The following OPCML variants were observed in gnomAD, a reference collection of about 807,000 sequenced individuals.
OPCML encodes opioid binding protein/cell adhesion molecule like.
A neutral mutation model predicts 37.8 loss-of-function variants in OPCML; 13 were observed. That is an observed-to-expected ratio of 0.34 (90% CI 0.22 to 0.55). The LOEUF (loss-of-function observed/expected upper bound fraction) is 0.55. Among genes scored for constraint, OPCML ranks in the 20% least tolerant of loss-of-function variants. The pLI, the probability that OPCML is intolerant of heterozygous loss-of-function variation, is 0.91. For missense variants in OPCML, 341 were observed against 435.6 expected (o/e 0.78, Z 1.93); for synonymous variants, 176 against 168.8 (o/e 1.04, Z -0.33).
At chr11:132,710,814 C>T (rs551501904) in intron 2 of OPCML, among the ~76,000 whole-genome samples, 25 of 151,796 alleles carry the variant, frequency 1.6e-4, no homozygotes, top group Admixed American at 5.3e-4. Flanking sequence ...GAGATTGCAC[C>T]ATTGCACTCC....
At chr11:132,549,055 G>A (rs2096375497) in intron 3 of OPCML, among the ~76,000 whole-genome samples, 1 of 152,108 alleles carries the variant, frequency 6.6e-6, no homozygotes, top group Admixed American at 6.5e-5. Context: ...GCATTCCCAG[G>A]AGGTTAGGCA....
At chr11:133,459,339 C>T (rs558610514) in intron 1 of OPCML, among the ~76,000 whole-genome samples, 2 of 152,034 alleles carry the variant, frequency 1.3e-5, no homozygotes, top group African/African-American at 4.8e-5. Context: ...CTAAGACATA[C>T]AGCAAAAAAC....
Position 132,532,586 on chromosome 11 carries a change from T to C in OPCML, c.380-3400A>G, listed in dbSNP as rs577808693. 5.3e-5 allele frequency among the ~76,000 whole-genome samples: 8 copies of C among 152,268 alleles called. 1 individual carries two copies. The highest frequency in any genetic ancestry group is 4.6e-4 in the Admixed American group (7 of 15,278). ...GTTAGTAAATGAGAGCTCATCTCAC[T>C]GCATTATGATTCCTCTTTGTTTATT... is the stretch of plus-strand genomic sequence containing the variant. On this transcript the variant is annotated intron_variant, in intron 3 of 7. Coordinates refer to ENST00000524381, the MANE Select transcript of OPCML (RefSeq NM_001012393.5).
At chr11:133,171,362 A>G (rs1950286402) in intron 1 of OPCML, among the ~76,000 whole-genome samples, 1 of 152,078 alleles carries the variant, frequency 6.6e-6, no homozygotes, top group South Asian at 2.1e-4. Flanking sequence ...ATTTGCCTCA[A>G]TCCGCTCCAC....
chr11:133,173,833 C>G lies in OPCML; in HGVS notation c.62-230823G>C, dbSNP rs60852973. Among the ~76,000 whole-genome samples, 3 of 152,106 alleles carry G rather than the reference C, an allele frequency of 2.0e-5. No homozygotes were observed. Among genetic ancestry groups the G allele is most frequent in the African/African-American group, 7.2e-5 (3 of 41,392 alleles). On this transcript the variant is annotated intron_variant, in intron 1 of 7. Transcript: ENST00000524381. This position sits in a 1 kb window ranked among gnomAD's most constrained non-coding sequence, Gnocchi z 7.8. ...TACGACAGAGCCTAAAGATGCAGGC[C>G]TTGAGTTTATGAGGCAAATAATGAA... is the stretch of plus-strand genomic sequence containing the variant.
At chr11:133,157,794 CTAATT>C (rs1482817811) in intron 1 of OPCML, among the ~76,000 whole-genome samples, 2 of 152,210 alleles carry the variant, frequency 1.3e-5, no homozygotes, top group African/African-American at 2.4e-5. Context: ...ACCTAGCCTG[CTAATT>C]TAATTTTACT....
intron 4 of OPCML, among the ~76,000 whole-genome samples, chr11:132,474,371 T>C (rs753355035): frequency 6.6e-6 from 1 of 152,084 alleles, no homozygotes; most frequent in African/African-American, 2.4e-5. Context: ...ATTGGACCTC[T>C]TCACATAGGA....
intron 2 of OPCML, among the ~76,000 whole-genome samples, chr11:132,765,996 C>T (rs987183725): frequency 1.3e-5 from 2 of 151,856 alleles, no homozygotes; most frequent in Admixed American, 6.6e-5. Flanking sequence ...CTTGATGGGA[C>T]ACTATCTGGC....
chr11:132,879,720 T>C (rs1943154619), intron 2 of OPCML, among the ~76,000 whole-genome samples: 3 of 152,256 alleles, frequency 2.0e-5, no homozygotes, highest in Admixed American at 6.5e-5. Context: ...AAGCGCATAA[T>C]GAATTATCTA....
intron 2 of OPCML, among the ~76,000 whole-genome samples, chr11:132,694,669 G>A (rs79053095): frequency 0.017 from 2,620 of 152,246 alleles, 66 homozygotes; most frequent in African/African-American, 0.059. Flanking sequence ...GCTGTTGAAG[G>A]TGGTGACTGC....
At chr11:133,271,877 G>T (rs1427461091) in intron 1 of OPCML, among the ~76,000 whole-genome samples, 3 of 152,192 alleles carry the variant, frequency 2.0e-5, no homozygotes, top group African/African-American at 7.2e-5. Context: ...TCGGCAGGAT[G>T]CTCAATCCAA....
chr11:132,547,017 C>T (rs2096370225), intron 3 of OPCML, among the ~76,000 whole-genome samples: 1 of 152,178 alleles, frequency 6.6e-6, no homozygotes, highest in Non-Finnish European at 1.5e-5. Flanking sequence ...CATCTGTGGA[C>T]TGGCACTTCT....
At chr11:132,700,250 C>A (rs1168392916) in intron 2 of OPCML, among the ~76,000 whole-genome samples, 1 of 151,898 alleles carries the variant, frequency 6.6e-6, no homozygotes, top group Non-Finnish European at 1.5e-5. Flanking sequence ...TAAAAAACAA[C>A]TCTGTTTTAA....
At chr11:132,945,752 A>G (rs1011788338) in intron 1 of OPCML, among the ~76,000 whole-genome samples, 1 of 149,900 alleles carries the variant, frequency 6.7e-6, no homozygotes, top group African/African-American at 2.5e-5. Flanking sequence ...ATATATTCTT[A>G]TATCCTTATT....
chr11:133,487,724 T>C (rs986074397), intron 1 of OPCML, among the ~76,000 whole-genome samples: 4 of 152,036 alleles, frequency 2.6e-5, no homozygotes, highest in African/African-American at 9.7e-5. Flanking sequence ...ATTTATTGAT[T>C]GAATGTGTGA....
chr11:132,753,398 G>A (rs1945907214), intron 2 of OPCML, among the ~76,000 whole-genome samples: 1 of 152,184 alleles, frequency 6.6e-6, no homozygotes, highest in Non-Finnish European at 1.5e-5. Context: ...GGAGAGTGCT[G>A]ATGAAAATAT....
chr11:132,420,049 C>T lies in OPCML; in HGVS notation c.*144G>A, dbSNP rs1279465544. ...CAAGCTGGAAATAAAAGCAAACAAA[C>T]AAATAAACAAAAACAAAAAGAAAAC... On this transcript the variant is annotated 3_prime_UTR_variant, in exon 8 of 8. Coordinates refer to ENST00000524381, the MANE Select transcript of OPCML (RefSeq NM_001012393.5). 7 of 318,704 alleles carry T rather than the reference C, an allele frequency of 2.2e-5. No individual in the cohort carries two copies. Among genetic ancestry groups the T allele is most frequent in the Admixed American group, 2.1e-4 (4 of 19,036 alleles). The allele number at this position is 318,704 out of a possible 1,614,324, so 19.7% of individuals were successfully genotyped here.
chr11:132,741,295 G>A (rs1055528771), intron 2 of OPCML, among the ~76,000 whole-genome samples: 5 of 152,018 alleles, frequency 3.3e-5, no homozygotes, highest in African/African-American at 1.2e-4. Context: ...AACTAAACAG[G>A]CTCATTGGTA....
chr11:132,532,202 G>A (rs569035337), intron 3 of OPCML, among the ~76,000 whole-genome samples: 1 of 152,132 alleles, frequency 6.6e-6, no homozygotes, highest in Non-Finnish European at 1.5e-5. Flanking sequence ...TCCTGAAGTG[G>A]GATCGCGAAG....
Sources: allele counts gnomAD v4.1 joint callset (sites outside exome capture counted in the v4.1 genomes callset), GRCh38; gene constraint gnomAD v4.1.1; non-coding constraint Gnocchi (gnomAD v3.1); transcripts MANE v1.5; gene names NCBI Gene and HGNC (gene_info 2026-07-23, HGNC 2026-07-21).